Variants in RBM20 observed in about 807,000 individuals in gnomAD.
RBM20 encodes the protein RNA binding motif protein 20.
A neutral mutation model predicts 110.1 loss-of-function variants in RBM20; 51 were observed. The ratio of observed to expected loss-of-function variants is 0.46; its 90% CI spans 0.37 to 0.59. The LOEUF is 0.59. Among genes scored for constraint, RBM20 ranks in the 20% least tolerant of loss-of-function variants. The pLI, the probability that RBM20 is intolerant of heterozygous loss-of-function variation, is 0.00. For missense variants in RBM20, 1,512 were observed against 1,574.9 expected, an observed-to-expected ratio of 0.96 and a Z score of 0.68; for synonymous variants, 589 against 618.2, an observed-to-expected ratio of 0.95 and a Z score of 0.70.
intron 1 of RBM20, among the ~76,000 whole-genome samples, chr10:110,757,277 T>C (rs867987987): frequency 6.6e-6 from 1 of 152,240 alleles, no homozygotes; most frequent in Non-Finnish European, 1.5e-5. Flanking sequence ...AAGGTGACTT[T>C]TGTACTCAGC....
intron 1 of RBM20, among the ~76,000 whole-genome samples, chr10:110,665,995 A>AGAGAGAGAGAG (rs1862169872): frequency 3.4e-5 from 5 of 145,376 alleles, no homozygotes; most frequent in African/African-American, 5.1e-5. Context: ...CAAAGAAAGA[A>AGAGAGAGAGAG]AGAGAGAGAG....
chr10:110,804,336 C>T (rs1047249927), intron 7 of RBM20, among the ~76,000 whole-genome samples: 4 of 152,054 alleles, frequency 2.6e-5, no homozygotes, highest in African/African-American at 9.7e-5. Context: ...GAGTGGCTAC[C>T]GGGAAGGTAG....
At chr10:110,655,401 T>C (rs1056561881) in intron 1 of RBM20, among the ~76,000 whole-genome samples, 8 of 152,064 alleles carry the variant, frequency 5.3e-5, no homozygotes, top group Non-Finnish European at 1.2e-4. Context: ...CTGCTTGTTA[T>C]GCATGTTAAA....
rs1862146517 is a variant in RBM20 at position 110,664,245 on chromosome 10, G to A, written c.191+19600G>A. 2.0e-5 allele frequency among the ~76,000 whole-genome samples: 3 copies of A among 152,158 alleles called. No individual in the cohort carries two copies. In the South Asian group the frequency reaches 6.2e-4, roughly 32 times the overall value. On this transcript the variant is annotated intron_variant, in intron 1 of 13. Transcript: ENST00000369519. ...GTTGATTCCAGGCCTGGGGCAGAAA[G>A]TGTACAAGATGAGCTGGAATATCTT...
chr10:110,800,535 T>C (rs1463605527), intron 7 of RBM20, among the ~76,000 whole-genome samples: 2 of 152,220 alleles, frequency 1.3e-5, no homozygotes, highest in Non-Finnish European at 2.9e-5. Flanking sequence ...TTATATATTG[T>C]ATGGTTTAAA....
chr10:110,772,547 G>C (rs747605128), intron 1 of RBM20, among the ~76,000 whole-genome samples: 2 of 152,176 alleles, frequency 1.3e-5, no homozygotes, highest in African/African-American at 2.4e-5. Context: ...TTGTGTTCCA[G>C]TTGCCTCCAG....
intron 1 of RBM20, among the ~76,000 whole-genome samples, chr10:110,649,000 A>G (rs10885005): frequency 0.21 from 31,482 of 152,022 alleles, 4,083 homozygotes; most frequent in African/African-American, 0.37. Context: ...AAGAAGAAGA[A>G]GAATTTGATC....
chr10:110,727,013 A>AT, intron 1 of RBM20, among the ~76,000 whole-genome samples: 2 of 151,830 alleles, frequency 1.3e-5, no homozygotes, highest in East Asian at 3.9e-4. Flanking sequence ...TGCCCGGCTG[A>AT]TTTTTTGTGT....
At chr10:110,824,345 A>G (rs1394787085) in intron 12 of RBM20, among the ~76,000 whole-genome samples, 1 of 152,204 alleles carries the variant, frequency 6.6e-6, no homozygotes, top group Non-Finnish European at 1.5e-5. Flanking sequence ...ACAATGCTAC[A>G]TATTTTTTTC....
Position 110,835,983 on chromosome 10 carries a change from T to C in RBM20, c.*5T>C. The C allele has an allele frequency of 9.7e-7, 1 of 1,031,432 alleles. No individual in the cohort carries two copies. The highest frequency in any genetic ancestry group is 1.6e-5 in the African/African-American group (1 of 62,168). The allele number at this position is 1,031,432 out of a possible 1,614,324, so 63.9% of individuals were successfully genotyped here. A position where few individuals can be genotyped will look rare whatever the true frequency, so the allele number is the denominator to read the frequency against. ...TTCGAAAGGAAAAAGCTCTGATGCT[T>C]CTGCTTCTGCTGCTACTGCTGCTGC... On this transcript the variant is annotated 3_prime_UTR_variant, in exon 14 of 14. Transcript: ENST00000369519.
chr10:110,732,679 G>A (rs1424431862), intron 1 of RBM20, among the ~76,000 whole-genome samples: 2 of 152,154 alleles, frequency 1.3e-5, no homozygotes, highest in South Asian at 2.1e-4. Flanking sequence ...GCACCCCATC[G>A]TTGGGTTCCA....
chr10:110,668,886 T>C (rs576307385), intron 1 of RBM20, among the ~76,000 whole-genome samples: 1 of 149,284 alleles, frequency 6.7e-6, no homozygotes, highest in East Asian at 1.9e-4. Flanking sequence ...AGTATAACAA[T>C]TAAAAAAAAA....
At chr10:110,829,014 G>A (rs191173292) in intron 12 of RBM20, among the ~76,000 whole-genome samples, 196 of 152,268 alleles carry the variant, frequency 1.3e-3, no homozygotes, top group African/African-American at 4.6e-3. Flanking sequence ...TCCCAGGACA[G>A]GGACTCAGAG....
At chr10:110,784,263 G>A in intron 3 of RBM20, 78 bp from the exon 4 acceptor site, 7 of 1,063,656 alleles carry the variant, frequency 6.6e-6, no homozygotes, top group Admixed American at 2.0e-5. Flanking sequence ...CTGCACCTAC[G>A]AGTGGAATTT....
chr10:110,648,231 A>G (rs1347981228), intron 1 of RBM20, among the ~76,000 whole-genome samples: 2 of 152,226 alleles, frequency 1.3e-5, no homozygotes, highest in African/African-American at 2.4e-5. Flanking sequence ...TCTTTGATCT[A>G]TAGTCTTCCG....
chr10:110,646,746 A>G (rs1239684141), intron 1 of RBM20, among the ~76,000 whole-genome samples: 1 of 152,218 alleles, frequency 6.6e-6, no homozygotes, highest in Non-Finnish European at 1.5e-5. Flanking sequence ...CATTTGCATA[A>G]GTCCATCTGA....
At chr10:110,724,572 C>T (rs1276320359) in intron 1 of RBM20, among the ~76,000 whole-genome samples, 2 of 152,178 alleles carry the variant, frequency 1.3e-5, no homozygotes, top group Non-Finnish European at 2.9e-5. Context: ...GACTCCCTGG[C>T]TTCTCCCCAC....
intron 1 of RBM20, among the ~76,000 whole-genome samples, chr10:110,733,385 A>T (rs1843638472): frequency 6.6e-6 from 1 of 152,198 alleles, no homozygotes; most frequent in Non-Finnish European, 1.5e-5. Context: ...CACGGTATAG[A>T]GCCGGGTGTA....
chr10:110,722,466 T>G (rs768571225), intron 1 of RBM20, among the ~76,000 whole-genome samples: 128 of 152,136 alleles, frequency 8.4e-4, no homozygotes, highest in Non-Finnish European at 1.6e-3. Context: ...ATCCTTGGTG[T>G]TGTGTATTCT....
Sources: gnomAD v4.1 joint callset for allele counts (sites outside exome capture counted in the v4.1 genomes callset) on GRCh38, gnomAD v4.1.1 for gene constraint, MANE v1.5 for transcripts, NCBI Gene and HGNC (gene_info 2026-07-23, HGNC 2026-07-21) for gene names.